The following DLG2 variants were observed in gnomAD, a reference collection of about 807,000 sequenced individuals.
DLG2 encodes the protein disks large homolog 2.
DLG2 carries 45 observed loss-of-function variants against 132.5 expected under a neutral mutation model. That is an observed-to-expected ratio of 0.34 (90% CI 0.27 to 0.44). The LOEUF (loss-of-function observed/expected upper bound fraction) is 0.44, where lower values mean the gene tolerates loss of function less well. Ranked by LOEUF, DLG2 falls within the 20% of genes least tolerant of loss-of-function variation. The pLI, the probability that DLG2 is intolerant of heterozygous loss-of-function variation, is 1.00. For missense variants in DLG2, 1,045 were observed against 1,196.9 expected (o/e 0.87, Z 1.87); for synonymous variants, 424 against 419.6 (o/e 1.01, Z -0.13).
At chr11:83,735,908 C>T (rs1283066983) in intron 18 of DLG2, among the ~76,000 whole-genome samples, 1 of 152,156 alleles carries the variant, frequency 6.6e-6, no homozygotes, top group Non-Finnish European at 1.5e-5. Flanking sequence ...ATTCCAGTCT[C>T]CAGATTCACT....
At chr11:84,637,605 A>G (rs902056335) in intron 6 of DLG2, among the ~76,000 whole-genome samples, 5 of 152,208 alleles carry the variant, frequency 3.3e-5, no homozygotes, top group African/African-American at 1.2e-4. Flanking sequence ...CAAGAGAGGG[A>G]GAAAGATTAC....
chr11:84,282,148 T>C (rs1374867521), intron 7 of DLG2, among the ~76,000 whole-genome samples: 1 of 152,202 alleles, frequency 6.6e-6, no homozygotes, highest in Non-Finnish European at 1.5e-5. Context: ...ATTGTGGTAT[T>C]TGCATGCAAC....
chr11:83,574,583 TGAACAAGCA>T (rs1435707426), intron 19 of DLG2, among the ~76,000 whole-genome samples: 2 of 152,170 alleles, frequency 1.3e-5, no homozygotes, highest in Non-Finnish European at 2.9e-5. Flanking sequence ...CATTCTGACC[TGAACAAGCA>T]GAACAATTAA....
intron 7 of DLG2, among the ~76,000 whole-genome samples, chr11:84,342,370 T>G (rs570329439): frequency 2.6e-5 from 4 of 152,336 alleles, no homozygotes; most frequent in Non-Finnish European, 5.9e-5. Context: ...TGGAAGGAGC[T>G]ATGGTTCAAA....
At chr11:84,337,306 T>C (rs192827137) in intron 7 of DLG2, among the ~76,000 whole-genome samples, 14 of 152,312 alleles carry the variant, frequency 9.2e-5, no homozygotes, top group African/African-American at 2.9e-4. Context: ...GCAGAGCCTA[T>C]GTACTTAGCT....
chr11:84,626,111 T>C (rs2099622106), intron 6 of DLG2, among the ~76,000 whole-genome samples: 1 of 152,230 alleles, frequency 6.6e-6, no homozygotes, highest in Non-Finnish European at 1.5e-5. Context: ...TCTTTTATTA[T>C]GAAAACAATA....
intron 4 of DLG2, among the ~76,000 whole-genome samples, chr11:85,204,652 A>G (rs2081733325): frequency 1.3e-5 from 2 of 152,064 alleles, no homozygotes; most frequent in South Asian, 4.1e-4. Flanking sequence ...TTAAAACATC[A>G]ATGACATTCT....
chr11:83,662,924 C>G (rs1466954692), intron 18 of DLG2, among the ~76,000 whole-genome samples: 1 of 152,164 alleles, frequency 6.6e-6, no homozygotes, highest in Non-Finnish European at 1.5e-5. Flanking sequence ...CTCCACAGTC[C>G]ACTGTTGGTC....
intron 7 of DLG2, among the ~76,000 whole-genome samples, chr11:84,352,479 A>G (rs1345752494): frequency 6.6e-6 from 1 of 152,186 alleles, no homozygotes; most frequent in Non-Finnish European, 1.5e-5. Flanking sequence ...GTAATTTTGT[A>G]ATATATCAAC....
intron 4 of DLG2, among the ~76,000 whole-genome samples, chr11:85,160,737 C>T (rs1445800071): frequency 1.3e-5 from 2 of 152,130 alleles, no homozygotes; most frequent in African/African-American, 4.8e-5. Flanking sequence ...TTCTCTCCCC[C>T]AGCCTGCACC....
intron 6 of DLG2, among the ~76,000 whole-genome samples, chr11:84,833,243 A>G (rs1261811961): frequency 6.6e-6 from 1 of 151,544 alleles, no homozygotes; most frequent in Non-Finnish European, 1.5e-5. Context: ...ACCTGAAACT[A>G]CTGAGCTTAC....
At chr11:85,541,519 C>A (rs959658178) in intron 3 of DLG2, among the ~76,000 whole-genome samples, 7 of 150,842 alleles carry the variant, frequency 4.6e-5, no homozygotes, top group Non-Finnish European at 1.0e-4. Context: ...ATAATATATA[C>A]TAATGGGCCC....
At chr11:83,705,825 G>T (rs1447815522) in intron 18 of DLG2, among the ~76,000 whole-genome samples, 1 of 152,174 alleles carries the variant, frequency 6.6e-6, no homozygotes, top group Non-Finnish European at 1.5e-5. Context: ...GGCTTATTTT[G>T]CATGGCTCTT....
At chr11:84,469,703 AAC>A (rs780635777) in intron 7 of DLG2, among the ~76,000 whole-genome samples, 2 of 151,714 alleles carry the variant, frequency 1.3e-5, no homozygotes, top group Non-Finnish European at 3.0e-5. Context: ...AAGAGGCATG[AAC>A]ACACAACAAA....
At chr11:84,568,813 GC>G (rs918228368) in intron 6 of DLG2, among the ~76,000 whole-genome samples, 1 of 152,176 alleles carries the variant, frequency 6.6e-6, no homozygotes, top group Non-Finnish European at 1.5e-5. Flanking sequence ...GACAAGCTTG[GC>G]CCAGAAGGTC....
intron 13 of DLG2, 142 bp downstream of exon 13, chr11:83,965,182 G>A: frequency 1.2e-6 from 1 of 859,594 alleles, no homozygotes; most frequent in South Asian, 1.8e-5. Context: ...CAACATAGGA[G>A]TGGAGTTTAG....
chr11:84,237,719 G>A (rs1432083965), intron 8 of DLG2, among the ~76,000 whole-genome samples: 1 of 152,062 alleles, frequency 6.6e-6, no homozygotes, highest in East Asian at 1.9e-4. Context: ...AAGTAATTTA[G>A]GGCTGAGATA....
chr11:83,698,210 T>C (rs1338256320), intron 18 of DLG2, among the ~76,000 whole-genome samples: 4 of 152,358 alleles, frequency 2.6e-5, no homozygotes, highest in Middle Eastern at 3.4e-3. Context: ...ACTATTACTA[T>C]TATAATTATG....
intron 7 of DLG2, among the ~76,000 whole-genome samples, chr11:84,373,270 C>CAAAAAAAAAAAAAAAA (rs1299753951): frequency 2.2e-5 from 1 of 45,166 alleles, no homozygotes; most frequent in Non-Finnish European, 4.4e-5. Context: ...AAAAACAAAA[C>CAAAAAAAAAAAAAAAA]AAAAAAAAAA....
Sources: gnomAD v4.1 joint callset for allele counts (sites outside exome capture counted in the v4.1 genomes callset) on GRCh38, gnomAD v4.1.1 for gene constraint, MANE v1.5 for transcripts, NCBI Gene and HGNC (gene_info 2026-07-23, HGNC 2026-07-21) for gene names.